Variants in CADM2 observed in about 807,000 individuals in gnomAD.
CADM2 encodes the protein cell adhesion molecule 2.
A neutral mutation model predicts 49.8 loss-of-function variants in CADM2; 12 were observed. The ratio of observed to expected loss-of-function variants is 0.24; its 90% CI spans 0.15 to 0.39. CADM2 has a LOEUF of 0.39. Among genes scored for constraint, CADM2 ranks in the 10% least tolerant of loss-of-function variants. The probability of loss-of-function intolerance (pLI) is 1.00; values close to 1 mark genes in which losing one functional copy is unlikely to be tolerated. For synonymous variants in CADM2, 214 were observed against 175.4 expected (o/e 1.22, Z -1.74); for missense variants, 378 against 492.3 (o/e 0.77, Z 2.20).
intron 1 of CADM2, among the ~76,000 whole-genome samples, chr3:85,019,959 C>A (rs561704797): frequency 6.6e-6 from 1 of 152,174 alleles, no homozygotes; most frequent in East Asian, 1.9e-4. Context: ...GGTGAATCTC[C>A]CCATTCCAAT....
intron 1 of CADM2, among the ~76,000 whole-genome samples, chr3:84,962,492 A>G (rs2030632992): frequency 6.6e-6 from 1 of 152,034 alleles, no homozygotes; most frequent in Non-Finnish European, 1.5e-5. Context: ...TTCTTCCCCT[A>G]CCCTACTGTT....
At chr3:85,049,071 G>A in intron 1 of CADM2, among the ~76,000 whole-genome samples, 1 of 152,060 alleles carries the variant, frequency 6.6e-6, no homozygotes, top group Non-Finnish European at 1.5e-5. Flanking sequence ...CAGGAAAAAG[G>A]CAGTGGTTAA....
At chr3:85,823,459 CA>C (rs1205436319) in intron 3 of CADM2, among the ~76,000 whole-genome samples, 3 of 152,064 alleles carry the variant, frequency 2.0e-5, no homozygotes, top group African/African-American at 7.2e-5. Context: ...CAAACAAAAA[CA>C]AACCACAAAC....
chr3:85,777,509 G>A (rs993301985), intron 2 of CADM2, among the ~76,000 whole-genome samples: 3 of 151,914 alleles, frequency 2.0e-5, no homozygotes, highest in African/African-American at 7.3e-5. Context: ...CCCGCCTTGG[G>A]CTCCCAAAGT....
chr3:85,199,227 T>C (rs548795163), intron 1 of CADM2, among the ~76,000 whole-genome samples: 1 of 152,078 alleles, frequency 6.6e-6, no homozygotes, highest in East Asian at 1.9e-4. Context: ...GAATAGCTAT[T>C]TGTATTCATT....
chr3:85,295,962 A>T (rs1005634390), intron 1 of CADM2, among the ~76,000 whole-genome samples: 8 of 152,008 alleles, frequency 5.3e-5, no homozygotes, highest in Non-Finnish European at 1.2e-4. Context: ...AAAAAAAAGT[A>T]GTAAACCTAG....
chr3:85,288,784 G>GCA (rs1188958298), intron 1 of CADM2, among the ~76,000 whole-genome samples: 1 of 88,200 alleles, frequency 1.1e-5, no homozygotes, highest in Non-Finnish European at 2.6e-5. Flanking sequence ...TTACCAATAT[G>GCA]CCCCCCCCCC....
chr3:85,912,663 G>T lies in CADM2; in HGVS notation c.700+120G>T. 4.3e-6 allele frequency: 4 copies of T among 920,882 alleles called. No homozygotes were observed. In the South Asian group the frequency reaches 6.8e-5, roughly 16 times the overall value. 57.0% of individuals were successfully genotyped at this position (920,882 alleles called of 1,614,324 possible). A position where few individuals can be genotyped will look rare whatever the true frequency, so the allele number is the denominator to read the frequency against. ...GGTGCAGTAAAATCCACGGCAAAAT[G>T]AAGTAAAACTACATTCACTAGTATT... On this transcript the variant is annotated intron_variant, in intron 6 of 9. Coordinates refer to ENST00000383699, the MANE Select transcript of CADM2 (RefSeq NM_001167675.2).
At chr3:85,478,937 T>TAAAAACAAAACA in intron 1 of CADM2, among the ~76,000 whole-genome samples, 1 of 151,852 alleles carries the variant, frequency 6.6e-6, no homozygotes, top group East Asian at 1.9e-4. Flanking sequence ...GTTTTGTTTT[T>TAAAAACAAAACA]ATTTTATTTT....
intron 1 of CADM2, among the ~76,000 whole-genome samples, chr3:85,581,142 C>A (rs2062783125): frequency 6.6e-6 from 1 of 151,986 alleles, no homozygotes; most frequent in South Asian, 2.1e-4. Flanking sequence ...TTTAAAATGA[C>A]TTTAATCACT....
intron 1 of CADM2, among the ~76,000 whole-genome samples, chr3:84,974,267 A>T (rs2031667976): frequency 6.6e-6 from 1 of 151,772 alleles, no homozygotes; most frequent in Non-Finnish European, 1.5e-5. Context: ...AATCATAATG[A>T]TGGTGGTCTA....
At chr3:85,982,446 A>T (rs1251472732) in intron 8 of CADM2, among the ~76,000 whole-genome samples, 1 of 151,644 alleles carries the variant, frequency 6.6e-6, no homozygotes, top group Non-Finnish European at 1.5e-5. Context: ...TTTTTTTAAA[A>T]AGTTTTTTTG....
intron 1 of CADM2, among the ~76,000 whole-genome samples, chr3:85,178,907 A>G (rs941644057): frequency 2.0e-5 from 3 of 151,862 alleles, no homozygotes; most frequent in Non-Finnish European, 2.9e-5. Flanking sequence ...TATTTTCTCC[A>G]TTATACTTGG....
rs548087474 is a variant in CADM2 at position 85,200,465 on chromosome 3, G to A, written c.61+240797G>A. Among the ~76,000 whole-genome samples the A allele has an allele frequency of 7.2e-5, 11 of 152,150 alleles. No individual in the cohort carries two copies. The South Asian group carries it at 2.3e-3, about 32-fold the overall frequency. The stretch of plus-strand genomic sequence containing the variant: ...ATTCAGTGAAAAAAGTTTAGAAATA[G>A]GGACACGATGTACCCTTCACTTGGA... On this transcript the variant is annotated intron_variant, in intron 1 of 9. Transcript: ENST00000383699.
chr3:86,059,720 G>A (rs1285069168), intron 8 of CADM2, among the ~76,000 whole-genome samples: 1 of 152,134 alleles, frequency 6.6e-6, no homozygotes, highest in African/African-American at 2.4e-5. Context: ...GGAGGTAGAT[G>A]TGAGAGGAAA....
At chr3:85,281,089 G>T (rs1455434380) in intron 1 of CADM2, among the ~76,000 whole-genome samples, 1 of 151,850 alleles carries the variant, frequency 6.6e-6, no homozygotes, top group South Asian at 2.1e-4. Flanking sequence ...ATTTGGGAAT[G>T]TATGTAAAGA....
At chr3:85,589,244 A>G (rs2063034854) in intron 1 of CADM2, among the ~76,000 whole-genome samples, 1 of 151,960 alleles carries the variant, frequency 6.6e-6, no homozygotes, top group Non-Finnish European at 1.5e-5. Context: ...GAGAGTTCCA[A>G]CCTTGTTTGA....
At chr3:85,886,943 GGTATTTAA>G (rs1713741813) in intron 5 of CADM2, among the ~76,000 whole-genome samples, 1 of 151,836 alleles carries the variant, frequency 6.6e-6, no homozygotes, top group Non-Finnish European at 1.5e-5. Flanking sequence ...GAGATGGCTT[GGTATTTAA>G]GTATAAGAAT....
At chr3:85,557,557 T>C (rs1237117503) in intron 1 of CADM2, among the ~76,000 whole-genome samples, 1 of 151,824 alleles carries the variant, frequency 6.6e-6, no homozygotes, top group Non-Finnish European at 1.5e-5. Flanking sequence ...AAATATAAAT[T>C]AAATAGAAAA....
Sources: gnomAD v4.1 joint callset for allele counts (sites outside exome capture counted in the v4.1 genomes callset) on GRCh38, gnomAD v4.1.1 for gene constraint, MANE v1.5 for transcripts, NCBI Gene and HGNC (gene_info 2026-07-23, HGNC 2026-07-21) for gene names.